Variants in LOC128462377 observed in about 807,000 individuals in gnomAD.
the LOC128462377 span, among the ~76,000 whole-genome samples, chr16:89,405,878 C>T: frequency 2.0e-5 from 3 of 152,034 alleles, no homozygotes; most frequent in South Asian, 2.1e-4. Context: ...TGGGAGCCAA[C>T]GCCGGCAGAT....
the LOC128462377 span, among the ~76,000 whole-genome samples, chr16:89,414,757 C>T: frequency 2.6e-5 from 4 of 152,126 alleles, no homozygotes; most frequent in South Asian, 4.1e-4. Context: ...AGGGCAGGAC[C>T]AGCCTAGAAT....
At chr16:89,361,871 C>T in the LOC128462377 span, among the ~76,000 whole-genome samples, 7 of 152,152 alleles carry the variant, frequency 4.6e-5, no homozygotes, top group African/African-American at 1.7e-4. Flanking sequence ...CTAGATAAGA[C>T]CTTCAAAACA....
chr16:89,322,542 G>A, the LOC128462377 span, among the ~76,000 whole-genome samples: 1 of 152,236 alleles, frequency 6.6e-6, no homozygotes. Context: ...CAGCAGGGTG[G>A]AAAAGGGGAG....
At chr16:89,417,325 C>A in the LOC128462377 span, among the ~76,000 whole-genome samples, 1 of 152,182 alleles carries the variant, frequency 6.6e-6, no homozygotes, top group Non-Finnish European at 1.5e-5. Context: ...ACTTTAAAAC[C>A]ATGACTCACA....
At chr16:89,367,519 C>G in the LOC128462377 span, among the ~76,000 whole-genome samples, 1 of 152,340 alleles carries the variant, frequency 6.6e-6, no homozygotes, top group African/African-American at 2.4e-5. Flanking sequence ...CACGCTCCCT[C>G]TTAGGCCACG....
At chr16:89,405,483 C>A in the LOC128462377 span, among the ~76,000 whole-genome samples, 3 of 151,244 alleles carry the variant, frequency 2.0e-5, no homozygotes, top group African/African-American at 7.3e-5. Context: ...TGCCACCACA[C>A]CTGGCTCATT....
At chr16:89,405,440 C>T in the LOC128462377 span, among the ~76,000 whole-genome samples, 2,998 of 151,414 alleles carry the variant, frequency 0.02, 97 homozygotes, top group African/African-American at 0.069. Flanking sequence ...CCTCCCACCT[C>T]GGCTTCCCCA....
the LOC128462377 span, among the ~76,000 whole-genome samples, chr16:89,389,761 A>G: frequency 6.7e-6 from 1 of 150,290 alleles, no homozygotes; most frequent in African/African-American, 2.5e-5. Flanking sequence ...GGGAGCACCG[A>G]GAGAGAAGAT....
At chr16:89,385,083 A>T in the LOC128462377 span, among the ~76,000 whole-genome samples, 1 of 151,480 alleles carries the variant, frequency 6.6e-6, no homozygotes, top group Admixed American at 6.6e-5. Context: ...ACGATATTTC[A>T]CCATGTTGGC....
the LOC128462377 span, among the ~76,000 whole-genome samples, chr16:89,411,819 T>G: frequency 6.6e-6 from 1 of 152,160 alleles, no homozygotes; most frequent in African/African-American, 2.4e-5. Flanking sequence ...AAAAAGAGAC[T>G]AGAATTCTCA....
At chr16:89,365,672 G>A in the LOC128462377 span, among the ~76,000 whole-genome samples, 1 of 152,268 alleles carries the variant, frequency 6.6e-6, no homozygotes, top group East Asian at 1.9e-4. Flanking sequence ...AATTCTTCCT[G>A]GGCAGTGTCT....
chr16:89,321,656 G>GTATATATATA, the LOC128462377 span, among the ~76,000 whole-genome samples: 1 of 151,912 alleles, frequency 6.6e-6, no homozygotes, highest in Non-Finnish European at 1.5e-5. Flanking sequence ...GAGAAGGACC[G>GTATATATATA]TATAAGAAAA....
the LOC128462377 span, among the ~76,000 whole-genome samples, chr16:89,358,817 G>GT: frequency 6.6e-6 from 1 of 151,764 alleles, no homozygotes; most frequent in Non-Finnish European, 1.5e-5. Flanking sequence ...GTTATAGTTT[G>GT]TTTTTTGCCT....
At chr16:89,383,162 G>A in the LOC128462377 span, among the ~76,000 whole-genome samples, 1 of 152,246 alleles carries the variant, frequency 6.6e-6, no homozygotes, top group Admixed American at 6.5e-5. Context: ...ACAGCCGCCT[G>A]TGCTGCTGAG....
At chr16:89,406,707 GAAGAAGAT>G in the LOC128462377 span, among the ~76,000 whole-genome samples, 6 of 152,200 alleles carry the variant, frequency 3.9e-5, no homozygotes, top group Non-Finnish European at 8.8e-5. Flanking sequence ...ACAGACTTCT[GAAGAAGAT>G]GGACCTCAGT....
At chr16:89,371,454 G>A in the LOC128462377 span, among the ~76,000 whole-genome samples, 1 of 152,222 alleles carries the variant, frequency 6.6e-6, no homozygotes, top group Non-Finnish European at 1.5e-5. Context: ...GCCACAGAAG[G>A]GGCCGCTGAC....
the LOC128462377 span, among the ~76,000 whole-genome samples, chr16:89,318,584 C>G: frequency 2.0e-5 from 3 of 152,172 alleles, no homozygotes; most frequent in Non-Finnish European, 4.4e-5. Context: ...GGCAGCTCCA[C>G]TGTGAGCCTC....
the LOC128462377 span, among the ~76,000 whole-genome samples, chr16:89,363,106 T>C: frequency 3.2e-4 from 48 of 152,210 alleles, no homozygotes; most frequent in Non-Finnish European, 5.7e-4. Flanking sequence ...TACGTTCAAG[T>C]GCTATTTCTT....
At chr16:89,332,228 G>C in the LOC128462377 span, among the ~76,000 whole-genome samples, 1,589 of 152,192 alleles carry the variant, frequency 0.01, 24 homozygotes, top group African/African-American at 0.035. Context: ...CACAATAAAG[G>C]ATCATTTTAC....
Sources: gnomAD v4.1 joint callset for allele counts (sites outside exome capture counted in the v4.1 genomes callset) on GRCh38, gnomAD v4.1.1 for gene constraint, MANE v1.5 for transcripts.